The following TCF12 variants were observed in gnomAD, a reference collection of about 807,000 sequenced individuals.
The protein encoded by TCF12 is DNA-binding protein HTF4.
A neutral mutation model predicts 86.0 loss-of-function variants in TCF12; 45 were observed. That is an observed-to-expected ratio of 0.52 (90% CI 0.41 to 0.67). The LOEUF (loss-of-function observed/expected upper bound fraction) is 0.67. Among genes scored for constraint, TCF12 ranks in the 30% least tolerant of loss-of-function variants. TCF12 has a pLI of 0.00. For synonymous variants in TCF12, 330 were observed against 299.6 expected (o/e 1.10, Z -1.05); for missense variants, 881 against 859.9 (o/e 1.02, Z -0.31).
intron 12 of TCF12, 60 bp downstream of exon 12, chr15:57,234,167 A>G: frequency 2.3e-6 from 3 of 1,289,290 alleles, no homozygotes; most frequent in Non-Finnish European, 3.4e-6. Context: ...TACAGTGATT[A>G]GATTTTGTAG....
At chr15:57,130,533 A>C (rs1395222778) in intron 5 of TCF12, among the ~76,000 whole-genome samples, 1 of 152,158 alleles carries the variant, frequency 6.6e-6, no homozygotes. Context: ...TTATCAGGGG[A>C]CCAGCTGAGG....
At chr15:57,075,035 C>CTAA (rs72523485) in intron 4 of TCF12, among the ~76,000 whole-genome samples, 1 of 151,830 alleles carries the variant, frequency 6.6e-6, no homozygotes, top group Non-Finnish European at 1.5e-5. Flanking sequence ...CTTTAACCTT[C>CTAA]TTATAAAATG....
At chr15:57,246,577 T>C (rs1226685926) in intron 13 of TCF12, among the ~76,000 whole-genome samples, 6 of 152,112 alleles carry the variant, frequency 3.9e-5, no homozygotes. Context: ...GTCTCTCTTT[T>C]TTTTTTTAAA....
rs370349767 is a variant in TCF12 at position 57,271,628 on chromosome 15, A to G, written c.1746-1402A>G. On this transcript the variant is annotated intron_variant, in intron 18 of 20. Coordinates refer to ENST00000333725, the MANE Select transcript of TCF12 (RefSeq NM_207037.2). ...TCAACCAGTCCCAATTAGATGAACC[A>G]GGTACCTCAGTTGGAAATGCAGAAA... is the stretch of plus-strand genomic sequence containing the variant. 1.2e-4 allele frequency among the ~76,000 whole-genome samples: 19 copies of G among 152,274 alleles called. 1 individual carries two copies. Among genetic ancestry groups the G allele is most frequent in the African/African-American group, 4.6e-4 (19 of 41,568 alleles).
At chr15:57,115,869 G>T (rs550665717) in intron 5 of TCF12, among the ~76,000 whole-genome samples, 4 of 151,984 alleles carry the variant, frequency 2.6e-5, no homozygotes, top group Non-Finnish European at 5.9e-5. Flanking sequence ...AATAGGAGAA[G>T]ATTGTAAGAT....
intron 6 of TCF12, among the ~76,000 whole-genome samples, chr15:57,167,840 T>C (rs2055015011): frequency 6.6e-6 from 1 of 152,180 alleles, no homozygotes; most frequent in Non-Finnish European, 1.5e-5. Flanking sequence ...TAATGATTGC[T>C]CTATTTTCCG....
intron 3 of TCF12, among the ~76,000 whole-genome samples, chr15:57,037,725 A>G (rs1435173896): frequency 6.6e-6 from 1 of 152,220 alleles, no homozygotes; most frequent in African/African-American, 2.4e-5. Context: ...TATCAATTTT[A>G]GTACTGATTT....
rs146967354 is a variant in TCF12, at chr15:57,241,442, T to G, written c.1036-2030T>G. Among the ~76,000 whole-genome samples the G allele has an allele frequency of 3.2e-3, 480 of 152,286 alleles. 10 individuals are homozygous for G. The highest frequency in any genetic ancestry group is 0.026 in the Admixed American group (399 of 15,296). On this transcript the variant is annotated intron_variant, in intron 12 of 20. Coordinates refer to ENST00000333725, the MANE Select transcript of TCF12 (RefSeq NM_207037.2). ...TGTTACTAGATCCTCCCAAAGTGTT[T>G]TGAACTCTTTTCCATAGCTTTACTT...
intron 3 of TCF12, among the ~76,000 whole-genome samples, chr15:57,038,726 T>C (rs892306353): frequency 6.6e-6 from 1 of 152,192 alleles, no homozygotes; most frequent in Non-Finnish European, 1.5e-5. Flanking sequence ...ATTTTTGTTA[T>C]ATTTAGTAGG....
At chr15:56,918,478 G>A (rs997805603), upstream of TCF12, 3 of 322,848 alleles carry the variant, frequency 9.3e-6, no homozygotes, top group South Asian at 4.3e-5. Flanking sequence ...ACTCCGTCCC[G>A]CCTCACCCGA....
chr15:57,070,864 A>G (rs1414379688), intron 4 of TCF12, among the ~76,000 whole-genome samples: 2 of 152,140 alleles, frequency 1.3e-5, no homozygotes, highest in African/African-American at 4.8e-5. Flanking sequence ...TTTACATTTG[A>G]CAGCAGATGC....
intron 5 of TCF12, among the ~76,000 whole-genome samples, chr15:57,111,279 A>T (rs1291645663): frequency 6.6e-6 from 1 of 152,020 alleles, no homozygotes; most frequent in East Asian, 1.9e-4. Context: ...TCTTATGAAA[A>T]CATAGTGCCT....
chr15:56,921,587 G>A (rs566581269), intron 3 of TCF12, among the ~76,000 whole-genome samples: 1 of 151,410 alleles, frequency 6.6e-6, no homozygotes, highest in Non-Finnish European at 1.5e-5. Flanking sequence ...AAATATTTTA[G>A]AAGGAAGGTC....
intron 4 of TCF12, among the ~76,000 whole-genome samples, chr15:57,071,583 C>T (rs2069387589): frequency 6.6e-6 from 1 of 152,090 alleles, no homozygotes; most frequent in African/African-American, 2.4e-5. Context: ...TAGAATGAGC[C>T]TTACTACACT....
At chr15:57,033,456 C>G (rs1000315478) in intron 3 of TCF12, among the ~76,000 whole-genome samples, 13 of 152,118 alleles carry the variant, frequency 8.5e-5, no homozygotes, top group Non-Finnish European at 1.8e-4. Context: ...TTATTGATTT[C>G]ACAGTTAGTA....
chr15:57,153,309 G>C (rs1341694730), intron 5 of TCF12, among the ~76,000 whole-genome samples: 1 of 152,106 alleles, frequency 6.6e-6, no homozygotes, highest in Non-Finnish European at 1.5e-5. Context: ...GACAGTTTCT[G>C]TCACAACTAC....
chr15:57,046,377 A>T (rs544491146), intron 3 of TCF12, among the ~76,000 whole-genome samples: 25 of 152,310 alleles, frequency 1.6e-4, no homozygotes, highest in African/African-American at 5.3e-4. Context: ...CTCAGACACT[A>T]GTTTGAGAAA....
intron 13 of TCF12, 40 bp downstream of exon 13, chr15:57,243,590 CT>C: frequency 2.0e-6 from 3 of 1,481,396 alleles, no homozygotes; most frequent in African/African-American, 1.4e-5. Flanking sequence ...GGTGGGACTA[CT>C]TGGAAATATT....
At chr15:56,937,699 T>C (rs2060530375) in intron 3 of TCF12, among the ~76,000 whole-genome samples, 1 of 152,198 alleles carries the variant, frequency 6.6e-6, no homozygotes, top group Non-Finnish European at 1.5e-5. Flanking sequence ...AGGTGGCTTT[T>C]ATTACATTGA....
Sources: gnomAD v4.1 joint callset for allele counts (sites outside exome capture counted in the v4.1 genomes callset) on GRCh38, gnomAD v4.1.1 for gene constraint, MANE v1.5 for transcripts, NCBI Gene and HGNC (gene_info 2026-07-23, HGNC 2026-07-21) for gene names.